WASF1: variants seen among roughly 807,000 people sequenced by gnomAD.
The protein encoded by WASF1 is actin-binding protein WASF1.
A neutral mutation model predicts 50.5 loss-of-function variants in WASF1; 7 were observed. The ratio of observed to expected loss-of-function variants is 0.14; its 90% confidence interval spans 0.08 to 0.26. WASF1 has a LOEUF of 0.26. Ranked by LOEUF, WASF1 falls within the 10% of genes least tolerant of loss-of-function variation. WASF1 has a pLI of 1.00. For missense variants in WASF1, 470 were observed against 694.7 expected (o/e 0.68, Z 3.64); for synonymous variants, 205 against 244.0 (o/e 0.84, Z 1.49).
chr6:110,167,668 A>G (rs1039534754), intron 2 of WASF1, among the ~76,000 whole-genome samples: 14 of 152,078 alleles, frequency 9.2e-5, no homozygotes, highest in African/African-American at 3.4e-4. Flanking sequence ...TATAACTTAC[A>G]TGTTTCACTA....
At chr6:110,102,805 T>C (rs1773153425) in intron 9 of WASF1, among the ~76,000 whole-genome samples, 1 of 152,010 alleles carries the variant, frequency 6.6e-6, no homozygotes. Context: ...TCCCTAATAT[T>C]TCTCTATTAG....
chr6:110,134,850 C>T (rs1186360867), intron 3 of WASF1, among the ~76,000 whole-genome samples: 1 of 152,148 alleles, frequency 6.6e-6, no homozygotes, highest in Non-Finnish European at 1.5e-5. Flanking sequence ...TTTAGCTATG[C>T]AGGCCCTTTT....
At chr6:110,108,722 A>C (rs370744739) in intron 5 of WASF1, 41 bp from the exon 6 acceptor site, 2 of 1,565,282 alleles carry the variant, frequency 1.3e-6, no homozygotes, top group African/African-American at 2.7e-5. Context: ...TTATTTTACT[A>C]AGATGATTTA....
At position 110,140,755 on chromosome 6, in the gene WASF1, A is replaced by G. The variant is rs185168110; in HGVS notation, c.-28-13126T>C. ...TGTGTTTCTTCAACTCACAGTACTG[A>G]ACTCCCCCTTCTTGTGATGGTGTGA... On this transcript the variant is annotated intron_variant, in intron 3 of 10. Coordinates refer to ENST00000392589, the MANE Select transcript of WASF1 (RefSeq NM_003931.3). Among the ~76,000 whole-genome samples, 164 of 152,274 alleles carry G rather than the reference A, an allele frequency of 1.1e-3. 1 individual carries two copies. The highest frequency in any genetic ancestry group is 1.3e-4 in the Non-Finnish European group (9 of 68,030).
intron 2 of WASF1, among the ~76,000 whole-genome samples, chr6:110,161,452 T>A (rs1776259645): frequency 6.6e-6 from 1 of 151,566 alleles, no homozygotes; most frequent in African/African-American, 2.4e-5. Flanking sequence ...ATAAGCTTAT[T>A]ATACTCACAT....
chr6:110,154,742 T>C (rs1453539378), intron 3 of WASF1, among the ~76,000 whole-genome samples: 1 of 152,004 alleles, frequency 6.6e-6, no homozygotes, highest in Non-Finnish European at 1.5e-5. Flanking sequence ...CACCACAAAT[T>C]TGGAAATATT....
At chr6:110,138,287 G>A (rs1212747435) in intron 3 of WASF1, among the ~76,000 whole-genome samples, 1 of 152,246 alleles carries the variant, frequency 6.6e-6, no homozygotes, top group Non-Finnish European at 1.5e-5. Context: ...GTAGACACCA[G>A]GAACTGCAGA....
chr6:110,145,393 T>C (rs948606895), intron 3 of WASF1, among the ~76,000 whole-genome samples: 9 of 152,348 alleles, frequency 5.9e-5, no homozygotes, highest in African/African-American at 2.2e-4. Flanking sequence ...TATACAATCA[T>C]GTCATCTGCA....
chr6:110,158,580 G>GT (rs1776125164), intron 3 of WASF1, among the ~76,000 whole-genome samples: 2 of 151,798 alleles, frequency 1.3e-5, no homozygotes, highest in Non-Finnish European at 2.9e-5. Context: ...GTGCCTTCTT[G>GT]TTTACAATCT....
chr6:110,133,929 T>C (rs938760801), intron 3 of WASF1, among the ~76,000 whole-genome samples: 6 of 152,176 alleles, frequency 3.9e-5, no homozygotes, highest in African/African-American at 1.4e-4. Context: ...TCAGGAACTG[T>C]TTGCCTAAGC....
chr6:110,117,351 A>C (rs1243982263), intron 4 of WASF1, among the ~76,000 whole-genome samples: 1 of 152,222 alleles, frequency 6.6e-6, no homozygotes, highest in Admixed American at 6.5e-5. Flanking sequence ...TGGCACAAAA[A>C]CTTTGTGACG....
Position 110,105,415 on chromosome 6 carries a change from A to T in WASF1, c.705T>A (p.Phe235Leu). 6.3e-7 allele frequency: 1 copy of T among 1,588,326 alleles called. No homozygotes were observed. Among genetic ancestry groups the T allele is most frequent in the Non-Finnish European group, 8.5e-7 (1 of 1,171,548 alleles). Residue 235 changes from phenylalanine to leucine, a missense_variant, in exon 8 of 11, where the codon TTT becomes TTA. Phe to Leu is a conservative substitution (Grantham distance 22, BLOSUM62 0). This residue lies in a region of WASF1 where 294 missense variants were observed against 343.5 expected (regional missense o/e 0.86). Transcript: ENST00000392589. ...AACAAAAGTAAAGAAACCTTGTTTC[A>T]AAATGAGAGGCTGGGCCATTAGCAA... ...IEVANGPASH[F>L]ETRPQTYVDH... is the part of the protein sequence containing the mutation.
At chr6:110,145,776 T>C (rs1388317666) in intron 3 of WASF1, among the ~76,000 whole-genome samples, 3 of 152,162 alleles carry the variant, frequency 2.0e-5, no homozygotes, top group Admixed American at 2.0e-4. Flanking sequence ...GTGGCACATA[T>C]ATACCATGGA....
intron 3 of WASF1, among the ~76,000 whole-genome samples, chr6:110,144,428 A>G (rs1184831285): frequency 6.6e-6 from 1 of 152,058 alleles, no homozygotes; most frequent in Non-Finnish European, 1.5e-5. Flanking sequence ...GTTCACTCTG[A>G]TGGTGGTTTC....
rs535247146 is a variant in WASF1, at chr6:110,172,629, C to A, written c.-127+5969G>T. ...AAAAAGAATGAAATAATCTCTTTTGCAGCAACATGGATGGAACCAGAGGCC... is the reference window on the plus strand; with the variant it reads ...AAAAAGAATGAAATAATCTCTTTTGAAGCAACATGGATGGAACCAGAGGCC... On this transcript the variant is annotated intron_variant, in intron 2 of 10. Coordinates refer to ENST00000392589, the MANE Select transcript of WASF1 (RefSeq NM_003931.3). Among the ~76,000 whole-genome samples, 4 of 152,226 alleles carry A rather than the reference C, an allele frequency of 2.6e-5. No homozygotes were observed. The South Asian group carries it at 8.3e-4, about 32-fold the overall frequency.
chr6:110,176,900 A>C (rs940919923), intron 2 of WASF1, among the ~76,000 whole-genome samples: 1 of 152,120 alleles, frequency 6.6e-6, no homozygotes, highest in Admixed American at 6.5e-5. Flanking sequence ...GTTTTCTCAC[A>C]AAGTAACCAA....
intron 3 of WASF1, among the ~76,000 whole-genome samples, chr6:110,149,321 T>C (rs1314661307): frequency 6.6e-6 from 1 of 152,000 alleles, no homozygotes; most frequent in Non-Finnish European, 1.5e-5. Flanking sequence ...GCCTACATCG[T>C]TGCCATTCTC....
chr6:110,176,881 C>A (rs1218870822), intron 2 of WASF1, among the ~76,000 whole-genome samples: 2 of 152,026 alleles, frequency 1.3e-5, no homozygotes, highest in African/African-American at 4.8e-5. Context: ...ATAGTCTTAT[C>A]TATATGAAGT....
At position 110,101,683 on chromosome 6, in the gene WASF1, G is replaced by A; in HGVS notation, c.1427C>T (p.Ser476Leu). ...HVPLMPPSPPSQVIPASEPKR... is the reference protein window; with the variant it reads ...HVPLMPPSPPLQVIPASEPKR... The stretch of plus-strand genomic sequence containing the variant: ...TGGCTCAGAAGCAGGTATAACTTGT[G>A]ATGGAGGAGATGGAGGCATTAATGG... The change falls in exon 10 of 11, where the codon TCA becomes TTA. Residue 476 changes from serine (S) to leucine (L), a missense_variant. Coordinates refer to ENST00000392589, the MANE Select transcript of WASF1 (RefSeq NM_003931.3). 6.2e-7 allele frequency: 1 copy of A among 1,614,170 alleles called. No individual in the cohort carries two copies. The highest frequency in any genetic ancestry group is 1.1e-5 in the South Asian group (1 of 91,088).
Sources: gnomAD v4.1 joint callset for allele counts (sites outside exome capture counted in the v4.1 genomes callset) on GRCh38, gnomAD v4.1.1 for gene constraint, gnomAD v4.1.1 regional missense constraint, MANE v1.5 for transcripts, NCBI Gene and HGNC (gene_info 2026-07-23, HGNC 2026-07-21) for gene names.